Variants in PREX2 observed in about 807,000 individuals in gnomAD.
PREX2 encodes the protein phosphatidylinositol-3,4,5-trisphosphate dependent Rac exchange factor 2, also known as phosphatidylinositol 3,4,5-trisphosphate-dependent Rac exchanger 2 protein.
Under a neutral mutation model 203.2 loss-of-function variants are expected in PREX2, and 107 were observed. The observed-to-expected ratio is 0.53, with a 90% CI of 0.45 to 0.62. The LOEUF (loss-of-function observed/expected upper bound fraction) is 0.62. Ranked by LOEUF, PREX2 falls within the 20% of genes least tolerant of loss-of-function variation. The probability of loss-of-function intolerance (pLI) is 0.00; values close to 1 mark genes in which losing one functional copy is unlikely to be tolerated. For missense variants in PREX2, 1,777 were observed against 1,955.9 expected (o/e 0.91, Z 1.72); for synonymous variants, 672 against 663.6 (o/e 1.01, Z -0.19).
chr8:68,210,638 T>C (rs944425538), intron 37 of PREX2, among the ~76,000 whole-genome samples: 1 of 152,228 alleles, frequency 6.6e-6, no homozygotes, highest in Admixed American at 6.5e-5. Context: ...TAAAATGCAT[T>C]TCAGTCCTTG....
At chr8:68,155,962 T>C (rs1160405084) in intron 34 of PREX2, among the ~76,000 whole-genome samples, 1 of 152,224 alleles carries the variant, frequency 6.6e-6, no homozygotes, top group Non-Finnish European at 1.5e-5. Context: ...AATTTATACT[T>C]TTTATTACAT....
chr8:68,095,780 T>C (rs2129612432), intron 21 of PREX2, among the ~76,000 whole-genome samples: 1 of 152,170 alleles, frequency 6.6e-6, no homozygotes, highest in Non-Finnish European at 1.5e-5. Flanking sequence ...TAGCTGGGAC[T>C]ACATGCACAT....
At chr8:68,081,581 T>C (rs2380437) in intron 17 of PREX2, among the ~76,000 whole-genome samples, 81,024 of 152,002 alleles carry the variant, frequency 0.53, 21,606 homozygotes, top group South Asian at 0.56. Flanking sequence ...TGTCAAGAGC[T>C]GTGTCTTCTG....
At chr8:67,962,255 T>C (rs1188970325) in intron 1 of PREX2, among the ~76,000 whole-genome samples, 2 of 152,218 alleles carry the variant, frequency 1.3e-5, no homozygotes, top group Non-Finnish European at 2.9e-5. Context: ...TGCCTTGTAA[T>C]GCCTCAGCTT....
At chr8:68,115,577 T>C (rs1185807484) in intron 25 of PREX2, among the ~76,000 whole-genome samples, 176 bp from the exon 26 acceptor site, 1 of 148,040 alleles carries the variant, frequency 6.8e-6, no homozygotes, top group Admixed American at 6.6e-5. Flanking sequence ...TGACTTATTT[T>C]GTGAAGAACA....
rs766313846 is a variant in PREX2, at chr8:68,234,289, A to G, written c.*2911A>G. The G allele has an allele frequency of 6.6e-6, 1 of 152,138 alleles. No individual in the cohort carries two copies. Among genetic ancestry groups the G allele is most frequent in the Non-Finnish European group, 1.5e-5 (1 of 68,036 alleles). The allele number at this position is 152,138 out of a possible 1,614,324, so 9.4% of individuals were successfully genotyped here. ...TTACCTTAATGCTACATGCTCCTCT[A>G]TAACCAGTGCACCTTCAAATACTGC... On this transcript the variant is annotated 3_prime_UTR_variant, in exon 40 of 40. Coordinates refer to ENST00000288368, the MANE Select transcript of PREX2 (RefSeq NM_024870.4).
At chr8:68,002,287 A>G (rs1647248462) in intron 1 of PREX2, among the ~76,000 whole-genome samples, 2 of 152,012 alleles carry the variant, frequency 1.3e-5, no homozygotes, top group South Asian at 4.1e-4. Context: ...AGCTGGGATT[A>G]TAGGTGTGTG....
At chr8:68,199,252 A>G (rs1322947249) in intron 37 of PREX2, among the ~76,000 whole-genome samples, 2 of 152,190 alleles carry the variant, frequency 1.3e-5, no homozygotes, top group Admixed American at 1.3e-4. Context: ...TTGGTAAAAC[A>G]CATAATAGTG....
intron 11 of PREX2, among the ~76,000 whole-genome samples, chr8:68,063,825 C>T (rs1164983968): frequency 6.6e-6 from 1 of 152,100 alleles, no homozygotes; most frequent in Non-Finnish European, 1.5e-5. Context: ...ACATATTATG[C>T]AATTTCACAT....
chr8:68,157,258 A>G (rs1811559601), intron 34 of PREX2, 64 bp from the exon 35 acceptor site: 1 of 784,118 alleles, frequency 1.3e-6, no homozygotes, highest in African/African-American at 1.8e-5. Context: ...CAATAAAATT[A>G]TACTACACGT....
intron 25 of PREX2, among the ~76,000 whole-genome samples, chr8:68,113,337 A>G (rs985419563): frequency 6.6e-6 from 1 of 152,178 alleles, no homozygotes. Context: ...AAAGATACAT[A>G]AGCACAGAGG....
chr8:67,983,434 C>G (rs1159325712), intron 1 of PREX2, among the ~76,000 whole-genome samples: 1 of 152,196 alleles, frequency 6.6e-6, no homozygotes, highest in Non-Finnish European at 1.5e-5. Context: ...TGCTAAGATT[C>G]TCACCTGAGT....
intron 24 of PREX2, 81 bp downstream of exon 24, chr8:68,108,412 A>T (rs916978175): frequency 2.2e-6 from 2 of 907,268 alleles, no homozygotes; most frequent in Admixed American, 4.3e-5. Flanking sequence ...CTGAAATTCA[A>T]TAGATACCTG....
intron 39 of PREX2, among the ~76,000 whole-genome samples, chr8:68,226,446 T>C (rs1311774563): frequency 6.6e-6 from 1 of 152,076 alleles, no homozygotes; most frequent in Non-Finnish European, 1.5e-5. Context: ...AGACAGTGAG[T>C]TGAAGAACAC....
At chr8:68,231,262 C>A in intron 39 of PREX2, 71 bp from the exon 40 acceptor site, 2 of 1,074,192 alleles carry the variant, frequency 1.9e-6, no homozygotes, top group East Asian at 2.9e-5. Context: ...TGTATTTGTT[C>A]TACCAATAAA....
intron 35 of PREX2, among the ~76,000 whole-genome samples, chr8:68,180,772 G>A (rs908251161): frequency 1.3e-5 from 2 of 152,084 alleles, no homozygotes; most frequent in African/African-American, 2.4e-5. Flanking sequence ...TGCAGTCATT[G>A]GCGTCCTTAG....
intron 39 of PREX2, among the ~76,000 whole-genome samples, chr8:68,225,636 A>C (rs1393481501): frequency 6.6e-6 from 1 of 152,226 alleles, no homozygotes; most frequent in East Asian, 1.9e-4. Flanking sequence ...AAGTGCTTTC[A>C]AAGGGAAAAC....
At chr8:68,203,078 A>G (rs535134907) in intron 37 of PREX2, among the ~76,000 whole-genome samples, 4 of 152,214 alleles carry the variant, frequency 2.6e-5, no homozygotes, top group African/African-American at 9.6e-5. Flanking sequence ...TCCTTCAGAA[A>G]CACCCTCACA....
At chr8:68,166,804 AT>A (rs111297558) in intron 35 of PREX2, among the ~76,000 whole-genome samples, 24 of 149,166 alleles carry the variant, frequency 1.6e-4, no homozygotes, top group South Asian at 4.3e-4. Flanking sequence ...CTGTCTCTAC[AT>A]TTTTTTTTTA....
Sources: allele counts gnomAD v4.1 joint callset (sites outside exome capture counted in the v4.1 genomes callset), GRCh38; gene constraint gnomAD v4.1.1; transcripts MANE v1.5; gene names NCBI Gene and HGNC (gene_info 2026-07-23, HGNC 2026-07-21).